The following TRAPPC8 variants were observed in gnomAD, a reference collection of about 807,000 sequenced individuals.
The protein encoded by TRAPPC8 is trafficking protein particle complex subunit 8.
Under a neutral mutation model 174.3 loss-of-function variants are expected in TRAPPC8, and 54 were observed. That is an observed-to-expected ratio of 0.31 (90% CI 0.25 to 0.39). The LOEUF (loss-of-function observed/expected upper bound fraction) is 0.39. TRAPPC8 is among the 10% of genes least tolerant of loss of function. The pLI is 1.00. For missense variants in TRAPPC8, 1,531 were observed against 1,699.1 expected (o/e 0.90, Z 1.74); for synonymous variants, 630 against 579.9 (o/e 1.09, Z -1.24).
At chr18:31,833,346 A>T (rs1328303178) in intron 27 of TRAPPC8, 1 of 152,204 alleles carries the variant, frequency 6.6e-6, no homozygotes, top group Admixed American at 6.5e-5. Flanking sequence ...AGTGAAACTC[A>T]TCATCTTCAT....
chr18:31,940,056 G>C (rs995592042), intron 1 of TRAPPC8, among the ~76,000 whole-genome samples: 5 of 151,926 alleles, frequency 3.3e-5, no homozygotes, highest in Non-Finnish European at 7.4e-5. Context: ...AAGTATAAAA[G>C]GCACACCAAA....
chr18:31,937,252 C>T (rs567835867), intron 1 of TRAPPC8, among the ~76,000 whole-genome samples: 1 of 152,062 alleles, frequency 6.6e-6, no homozygotes, highest in Admixed American at 6.6e-5. Flanking sequence ...AATTTAAGGC[C>T]GGTCGCAGTG....
chr18:31,899,131 T>C (rs946558033), intron 10 of TRAPPC8, among the ~76,000 whole-genome samples: 1 of 152,180 alleles, frequency 6.6e-6, no homozygotes, highest in Non-Finnish European at 1.5e-5. Flanking sequence ...AACTCCTATA[T>C]ACTAGCAACT....
At chr18:31,935,762 G>C (rs1304489322) in intron 1 of TRAPPC8, among the ~76,000 whole-genome samples, 1 of 149,588 alleles carries the variant, frequency 6.7e-6, no homozygotes, top group Non-Finnish European at 1.5e-5. Context: ...TTGAGACAGA[G>C]TCTCGCTCCG....
At chr18:31,940,042 T>C (rs2038263397) in intron 1 of TRAPPC8, among the ~76,000 whole-genome samples, 1 of 152,174 alleles carries the variant, frequency 6.6e-6, no homozygotes. Flanking sequence ...CAAATTGAGA[T>C]GTTAAGTATA....
intron 22 of TRAPPC8, among the ~76,000 whole-genome samples, chr18:31,853,115 T>C (rs2033800567): frequency 6.6e-6 from 1 of 152,206 alleles, no homozygotes; most frequent in Admixed American, 6.5e-5. Flanking sequence ...CTGGTACACA[T>C]TCTTTTGTTT....
intron 2 of TRAPPC8, among the ~76,000 whole-genome samples, chr18:31,926,274 T>C (rs1465528159): frequency 6.6e-6 from 1 of 152,230 alleles, no homozygotes; most frequent in Non-Finnish European, 1.5e-5. Context: ...AAGATTTTTT[T>C]GTCCCCCAAG....
At chr18:31,902,354 CA>C (rs1232945352) in intron 9 of TRAPPC8, among the ~76,000 whole-genome samples, 8 of 152,086 alleles carry the variant, frequency 5.3e-5, no homozygotes, top group Admixed American at 1.3e-4. Flanking sequence ...ACAATAACAA[CA>C]ACAACAAAGT....
chr18:31,870,315 A>C, intron 16 of TRAPPC8, 57 bp downstream of exon 16: 1 of 1,501,298 alleles, frequency 6.7e-7, no homozygotes, highest in Non-Finnish European at 9.0e-7. Context: ...AAATGTTACT[A>C]CAGCATTTGT....
rs1199913720 is a variant in TRAPPC8 at position 31,870,413 on chromosome 18, T to C, written c.2347A>G (p.Lys783Glu). ...DLSLLWKFHP[K>E]DFSGKDNEEV... ...TCATTATCCTTTCCACTGAAATCTT[T>C]AGGATGAAACTTCCAAAGCAATGAC... Residue 783 changes from lysine to glutamate, a missense_variant, in exon 16 of 29, where the codon AAA becomes GAA. Physicochemically the swap from Lys to Glu is moderately conservative, Grantham distance 56. Transcript: ENST00000283351. The C allele has an allele frequency of 6.2e-7, 1 of 1,613,030 alleles. No individual in the cohort carries two copies.
At chr18:31,925,664 A>G (rs2037584825) in intron 2 of TRAPPC8, among the ~76,000 whole-genome samples, 1 of 152,196 alleles carries the variant, frequency 6.6e-6, no homozygotes, top group Admixed American at 6.6e-5. Flanking sequence ...ACTCAGTAAA[A>G]TAAGTGAAAA....
At chr18:31,923,463 C>T (rs1446586240) in intron 2 of TRAPPC8, among the ~76,000 whole-genome samples, 1 of 152,088 alleles carries the variant, frequency 6.6e-6, no homozygotes, top group Non-Finnish European at 1.5e-5. Flanking sequence ...CACTGTTAAG[C>T]TTATGAGGTA....
At chr18:31,833,155 G>C (rs1316146006) in intron 27 of TRAPPC8, 1 of 152,210 alleles carries the variant, frequency 6.6e-6, no homozygotes, top group Non-Finnish European at 1.5e-5. Flanking sequence ...TAGGTGTCCA[G>C]TCAGTCTGAA....
intron 26 of TRAPPC8, among the ~76,000 whole-genome samples, chr18:31,842,472 A>G (rs1035945160): frequency 6.6e-6 from 1 of 152,226 alleles, no homozygotes; most frequent in Non-Finnish European, 1.5e-5. Context: ...CAGGCTGATC[A>G]CCTGCACAAT....
At chr18:31,931,288 G>T in intron 2 of TRAPPC8, 41 bp downstream of exon 2, 1 of 1,460,146 alleles carries the variant, frequency 6.8e-7, no homozygotes, top group South Asian at 1.6e-5. Context: ...CTAACAAAAC[G>T]AAATTTCACT....
chr18:31,893,014 C>G (rs751694304), intron 11 of TRAPPC8, among the ~76,000 whole-genome samples: 3 of 134,828 alleles, frequency 2.2e-5, no homozygotes, highest in African/African-American at 5.4e-5. Context: ...GACGCCTTGT[C>G]TCAAAAAAAG....
At position 31,855,874 on chromosome 18, in the gene TRAPPC8, C is replaced by A. The variant is rs1217152527; in HGVS notation, c.3189-67G>T. ...GTCTCTATGTTATAATTATCTAATT[C>A]CAAATAAAGATTTTAAAAACTGATC... is the stretch of plus-strand genomic sequence containing the variant. On this transcript the variant is annotated intron_variant, in intron 20 of 28. Coordinates refer to ENST00000283351, the MANE Select transcript of TRAPPC8 (RefSeq NM_014939.5). 8 of 1,498,472 alleles carry A rather than the reference C, an allele frequency of 5.3e-6. No homozygotes were observed. The Admixed American group carries it at 1.6e-4, about 30-fold the overall frequency. The allele number at this position is 1,498,472 out of a possible 1,614,324, so 92.8% of individuals were successfully genotyped here.
chr18:31,864,168 A>G (rs1290351499), intron 19 of TRAPPC8, among the ~76,000 whole-genome samples: 1 of 151,306 alleles, frequency 6.6e-6, no homozygotes, highest in Non-Finnish European at 1.5e-5. Context: ...TATACTACCT[A>G]GCAACAGGTT....
intron 25 of TRAPPC8, 45 bp downstream of exon 25, chr18:31,849,521 A>C (rs191738652): frequency 1.4e-6 from 2 of 1,459,846 alleles, no homozygotes; most frequent in African/African-American, 2.9e-5. Flanking sequence ...TTAAGACTCG[A>C]GTATCTATAA....
Sources: allele counts gnomAD v4.1 joint callset (sites outside exome capture counted in the v4.1 genomes callset), GRCh38; gene constraint gnomAD v4.1.1; transcripts MANE v1.5; gene names NCBI Gene and HGNC (gene_info 2026-07-23, HGNC 2026-07-21).